RBFOX1: variants seen among roughly 807,000 people sequenced by gnomAD.
The protein encoded by RBFOX1 is RNA binding protein fox-1 homolog 1.
Under a neutral mutation model 57.7 loss-of-function variants are expected in RBFOX1, and 8 were observed. The ratio of observed to expected loss-of-function variants is 0.14; its 90% confidence interval spans 0.08 to 0.25. The LOEUF (loss-of-function observed/expected upper bound fraction) is 0.25, where lower values mean the gene tolerates loss of function less well. Ranked by LOEUF, RBFOX1 falls within the 10% of genes least tolerant of loss-of-function variation. The pLI is 1.00. For missense variants in RBFOX1, 611 were observed against 548.5 expected, an observed-to-expected ratio of 1.11 and a Z score of -1.14; for synonymous variants, 326 against 222.4, an observed-to-expected ratio of 1.47 and a Z score of -4.15.
At chr16:5,933,145 G>A (rs1438145127) in intron 4 of RBFOX1, among the ~76,000 whole-genome samples, 1 of 152,178 alleles carries the variant, frequency 6.6e-6, no homozygotes, top group Non-Finnish European at 1.5e-5. Flanking sequence ...CTTTCAAATA[G>A]CTGGAGCTGA....
intron 3 of RBFOX1, chr16:6,705,250 A>T (rs1018161442): frequency 6.6e-6 from 1 of 152,180 alleles, no homozygotes; most frequent in Admixed American, 6.5e-5. Context: ...CTGCAACTCC[A>T]GTGAGGTTAC....
chr16:6,703,076 GTTATTC>G (rs954220743), intron 3 of RBFOX1, among the ~76,000 whole-genome samples: 6 of 152,124 alleles, frequency 3.9e-5, no homozygotes, highest in Non-Finnish European at 7.3e-5. Context: ...GTTGTAGTGT[GTTATTC>G]TTATTTCCTT....
At chr16:7,518,653 G>A (rs562495735) in intron 5 of RBFOX1, among the ~76,000 whole-genome samples, 4 of 152,110 alleles carry the variant, frequency 2.6e-5, no homozygotes, top group South Asian at 4.2e-4. Context: ...CTATAGTTTT[G>A]CCTTTCTAGA....
chr16:6,693,655 C>G (rs1241696115), intron 3 of RBFOX1, among the ~76,000 whole-genome samples: 1 of 150,564 alleles, frequency 6.6e-6, no homozygotes, highest in Admixed American at 6.6e-5. Flanking sequence ...CCACAATCAT[C>G]ATCATCATCC....
chr16:6,555,816 C>G (rs911280400), intron 2 of RBFOX1, among the ~76,000 whole-genome samples: 2 of 152,168 alleles, frequency 1.3e-5, no homozygotes, highest in African/African-American at 4.8e-5. Flanking sequence ...GCAGACTTGC[C>G]TATTCTAGAC....
At chr16:6,869,063 C>T (rs1165739325) in intron 3 of RBFOX1, among the ~76,000 whole-genome samples, 2 of 152,188 alleles carry the variant, frequency 1.3e-5, no homozygotes, top group Non-Finnish European at 1.5e-5. Flanking sequence ...GAGAAATAAA[C>T]TTCCATTGCT....
chr16:5,993,399 C>G (rs12934389), intron 4 of RBFOX1, among the ~76,000 whole-genome samples: 12,876 of 68,864 alleles, frequency 0.19, 848 homozygotes, highest in South Asian at 0.34. Context: ...GAGAGAGAGA[C>G]AGAGAGAGAG....
intron 4 of RBFOX1, among the ~76,000 whole-genome samples, chr16:7,272,301 C>T (rs979349724): frequency 1.3e-5 from 2 of 152,138 alleles, no homozygotes; most frequent in African/African-American, 2.4e-5. Context: ...TGTCCTGCCT[C>T]GGCCTCCCAA....
intron 3 of RBFOX1, among the ~76,000 whole-genome samples, chr16:6,985,489 ATTAAT>A (rs1418978415): frequency 6.6e-6 from 1 of 152,172 alleles, no homozygotes; most frequent in East Asian, 1.9e-4. Flanking sequence ...CTCTTAAAAA[ATTAAT>A]TAACTAAAGA....
intron 4 of RBFOX1, among the ~76,000 whole-genome samples, chr16:7,209,865 C>T (rs74334033): frequency 0.015 from 2,235 of 152,226 alleles, 61 homozygotes; most frequent in African/African-American, 0.051. Context: ...GTGGCACACA[C>T]ACTCTCAAGG....
At chr16:6,808,870 T>A (rs549504843) in intron 3 of RBFOX1, among the ~76,000 whole-genome samples, 90 of 152,276 alleles carry the variant, frequency 5.9e-4, no homozygotes, top group African/African-American at 2.1e-3. Context: ...CTGTAACACC[T>A]TTAGCAGGGA....
At chr16:6,674,479 G>A (rs1000952870) in intron 3 of RBFOX1, among the ~76,000 whole-genome samples, 9 of 152,074 alleles carry the variant, frequency 5.9e-5, no homozygotes, top group African/African-American at 1.7e-4. Flanking sequence ...CTGTCACCAT[G>A]CCCGGCTAAT....
chr16:7,665,815 C>A (rs2069084911), intron 13 of RBFOX1, among the ~76,000 whole-genome samples: 1 of 151,938 alleles, frequency 6.6e-6, no homozygotes, highest in Admixed American at 6.6e-5. Flanking sequence ...GACTAGATAG[C>A]AAAAAAATCA....
At chr16:5,487,684 C>T (rs577170245) in intron 2 of RBFOX1, among the ~76,000 whole-genome samples, 1 of 152,224 alleles carries the variant, frequency 6.6e-6, no homozygotes, top group African/African-American at 2.4e-5. Flanking sequence ...ATGGTTATGT[C>T]TTCCAAGATG....
chr16:6,376,196 G>A (rs563710342), intron 2 of RBFOX1, among the ~76,000 whole-genome samples: 1 of 152,228 alleles, frequency 6.6e-6, no homozygotes, highest in East Asian at 1.9e-4. Context: ...CTAGACTCCA[G>A]GATCCTTGGG....
intron 4 of RBFOX1, among the ~76,000 whole-genome samples, chr16:7,442,764 C>T (rs748558275): frequency 6.6e-6 from 1 of 152,166 alleles, no homozygotes; most frequent in Non-Finnish European, 1.5e-5. Context: ...CTAATAGAAA[C>T]CATGGCCTCA....
chr16:6,893,436 A>G lies in RBFOX1; in HGVS notation c.-15-158621A>G, dbSNP rs1596386015. On this transcript the variant is annotated intron_variant, in intron 3 of 15. Transcript: ENST00000550418. ...TTACAGAAACTACCTCATTCATCAAAAGATCTTTCTTTTAAACCTGAACTC... is the reference window on the plus strand; with the variant it reads ...TTACAGAAACTACCTCATTCATCAAGAGATCTTTCTTTTAAACCTGAACTC... Among the ~76,000 whole-genome samples, 6 of 152,278 alleles carry G rather than the reference A, an allele frequency of 3.9e-5. No homozygotes were observed. In the East Asian group the frequency reaches 1.2e-3, roughly 29 times the overall value.
At chr16:7,526,585 C>T (rs573987414) in intron 5 of RBFOX1, among the ~76,000 whole-genome samples, 13 of 152,262 alleles carry the variant, frequency 8.5e-5, no homozygotes, top group East Asian at 3.9e-4. Flanking sequence ...GGAGGGTTTA[C>T]GCCTCATGTA....
At chr16:6,666,040 A>G (rs1383962841) in intron 3 of RBFOX1, among the ~76,000 whole-genome samples, 3 of 152,172 alleles carry the variant, frequency 2.0e-5, no homozygotes, top group Non-Finnish European at 4.4e-5. Flanking sequence ...TGGTTTTATA[A>G]GAGGAAACCC....
Sources: gnomAD v4.1 joint callset for allele counts (sites outside exome capture counted in the v4.1 genomes callset) on GRCh38, gnomAD v4.1.1 for gene constraint, MANE v1.5 for transcripts, NCBI Gene and HGNC (gene_info 2026-07-23, HGNC 2026-07-21) for gene names.